DNAJC3: variants seen among roughly 807,000 people sequenced by gnomAD.
DNAJC3 encodes the protein DnaJ heat shock protein family (Hsp40) member C3, also known as dnaJ homolog subfamily C member 3.
Under a neutral mutation model 68.6 loss-of-function variants are expected in DNAJC3, and 38 were observed. The observed-to-expected ratio is 0.55, with a 90% CI of 0.43 to 0.73. The LOEUF (loss-of-function observed/expected upper bound fraction) is 0.73, where lower values mean the gene tolerates loss of function less well. Among genes scored for constraint, DNAJC3 ranks in the 30% least tolerant of loss-of-function variants. The pLI, the probability that DNAJC3 is intolerant of heterozygous loss-of-function variation, is 0.00. For missense variants in DNAJC3, 526 were observed against 591.9 expected (o/e 0.89, Z 1.16); for synonymous variants, 203 against 204.0 (o/e 1.00, Z 0.04).
intron 5 of DNAJC3, among the ~76,000 whole-genome samples, chr13:95,758,477 A>T (rs1882729676): frequency 6.6e-6 from 1 of 151,970 alleles, no homozygotes; most frequent in African/African-American, 2.4e-5. Context: ...GTCTAAAAAA[A>T]AAAAAAAGAA....
chr13:95,761,745 T>A (rs1882827761), intron 7 of DNAJC3, among the ~76,000 whole-genome samples: 1 of 151,992 alleles, frequency 6.6e-6, no homozygotes, highest in African/African-American at 2.4e-5. Flanking sequence ...AATAGAATCA[T>A]ACAATGTATA....
rs61975191 is a variant in DNAJC3, at chr13:95,739,183, T to C, written c.393+13931T>C. On this transcript the variant is annotated intron_variant, in intron 4 of 11. Coordinates refer to ENST00000602402, the MANE Select transcript of DNAJC3 (RefSeq NM_006260.5). ...CTCTTCTGGCTTGTAGGGTTTCTGCTGAGAGATCCGCTATTAGTCTGATGG... is the reference window on the plus strand; with the variant it reads ...CTCTTCTGGCTTGTAGGGTTTCTGCCGAGAGATCCGCTATTAGTCTGATGG... Among the ~76,000 whole-genome samples, 1,250 of 152,366 alleles carry C rather than the reference T, an allele frequency of 8.2e-3. 6 individuals are homozygous for C. The highest frequency in any genetic ancestry group is 0.012 in the Non-Finnish European group (834 of 68,034).
intron 4 of DNAJC3, among the ~76,000 whole-genome samples, chr13:95,747,612 T>A (rs1041236216): frequency 6.6e-6 from 1 of 152,196 alleles, no homozygotes; most frequent in Non-Finnish European, 1.5e-5. Context: ...AAGGTTTATG[T>A]TGGAAGTATT....
intron 2 of DNAJC3, among the ~76,000 whole-genome samples, chr13:95,719,837 A>G (rs1881262364): frequency 6.6e-6 from 1 of 152,218 alleles, no homozygotes; most frequent in Non-Finnish European, 1.5e-5. Context: ...AAAGTTATAC[A>G]CAGTCCTCTG....
At chr13:95,710,431 A>G (rs1280694351) in intron 2 of DNAJC3, among the ~76,000 whole-genome samples, 3 of 151,926 alleles carry the variant, frequency 2.0e-5, no homozygotes, top group African/African-American at 7.3e-5. Flanking sequence ...GGGTCTCACT[A>G]TGTTGTCCAG....
At chr13:95,773,045 CTCT>C (rs1883196830) in intron 9 of DNAJC3, among the ~76,000 whole-genome samples, 1 of 147,960 alleles carries the variant, frequency 6.8e-6, no homozygotes, top group Non-Finnish European at 1.5e-5. Context: ...TTGGTGTCAT[CTCT>C]TCTTTAAAGT....
intron 2 of DNAJC3, among the ~76,000 whole-genome samples, chr13:95,715,765 G>T (rs1337010685): frequency 2.0e-5 from 3 of 151,846 alleles, no homozygotes; most frequent in Admixed American, 1.3e-4. Context: ...GGGATTACAG[G>T]CATGAGCCAC....
At chr13:95,684,509 TTTTCAG>T (rs1880017868) in intron 1 of DNAJC3, among the ~76,000 whole-genome samples, 1 of 152,018 alleles carries the variant, frequency 6.6e-6, no homozygotes, top group African/African-American at 2.4e-5. Flanking sequence ...AGTTGGAAAA[TTTTCAG>T]TCTGACCATG....
At position 95,786,136 on chromosome 13, in the gene DNAJC3, G is replaced by A. The variant is rs1399260301; in HGVS notation, c.1208+65G>A. 14 of 1,440,648 alleles carry A rather than the reference G, an allele frequency of 9.7e-6. No individual in the cohort carries two copies. In the East Asian group the frequency reaches 2.7e-4, roughly 28 times the overall value. 89.2% of individuals were successfully genotyped at this position (1,440,648 alleles called of 1,614,324 possible). ...CAACTCTGTTTCAAAGCTAATCATTGCTCTTTTTCCTCTCTGATTCATTTT... is the reference window on the plus strand; with the variant it reads ...CAACTCTGTTTCAAAGCTAATCATTACTCTTTTTCCTCTCTGATTCATTTT... On this transcript the variant is annotated intron_variant, in intron 10 of 11. Transcript: ENST00000602402.
chr13:95,764,645 CATATAT>C (rs755441205), intron 9 of DNAJC3, among the ~76,000 whole-genome samples: 2,883 of 56,492 alleles, frequency 0.051, 84 homozygotes, highest in East Asian at 0.12. Context: ...AAATAGAATC[CATATAT>C]ATATATATAT....
At chr13:95,730,482 G>A (rs2139647994) in intron 4 of DNAJC3, among the ~76,000 whole-genome samples, 2 of 152,166 alleles carry the variant, frequency 1.3e-5, no homozygotes, top group East Asian at 3.9e-4. Context: ...GTTGATTTTT[G>A]TACTTAGTGA....
intron 5 of DNAJC3, among the ~76,000 whole-genome samples, chr13:95,759,355 A>G (rs1267886923): frequency 6.6e-6 from 1 of 152,182 alleles, no homozygotes; most frequent in Non-Finnish European, 1.5e-5. Flanking sequence ...TCTGTTACCT[A>G]GACTGGAGTG....
At position 95,723,319 on chromosome 13, in the gene DNAJC3, C is replaced by T. The variant is rs768238277; in HGVS notation, c.271C>T (p.Leu91Phe). The change falls in exon 3 of 12, where the codon CTT becomes TTT. Residue 91 changes from leucine to phenylalanine, a missense_variant. Physicochemically the swap from Leu to Phe is conservative, Grantham distance 22. Coordinates refer to ENST00000602402, the MANE Select transcript of DNAJC3 (RefSeq NM_006260.5). Reference sequence around the variant, plus strand: ...AGCTATGGGCAAATCAAAAGCTGCACTTCCTGATTTAACTAAAGTGATTCA... The same window carrying T: ...AGCTATGGGCAAATCAAAAGCTGCATTTCCTGATTTAACTAAAGTGATTCA... ...FLAMGKSKAA[L>F]PDLTKVIQLK... 1 of 1,611,570 alleles carries T rather than the reference C, an allele frequency of 6.2e-7. No homozygotes were observed. Among genetic ancestry groups the T allele is most frequent in the Non-Finnish European group, 8.5e-7 (1 of 1,178,088 alleles).
chr13:95,779,119 C>CTTTTTTTTTTTTTTTTTT (rs142933580), intron 9 of DNAJC3, among the ~76,000 whole-genome samples: 1 of 97,974 alleles, frequency 1.0e-5, no homozygotes. Flanking sequence ...TTTCTTCTTT[C>CTTTTTTTTTTTTTTTTTT]TTTTTTTTTT....
intron 11 of DNAJC3, among the ~76,000 whole-genome samples, chr13:95,788,348 A>C (rs1883664819): frequency 6.6e-6 from 1 of 152,070 alleles, no homozygotes; most frequent in Non-Finnish European, 1.5e-5. Flanking sequence ...TGTGAGAGGG[A>C]CTTTGTGCTA....
chr13:95,707,181 A>G (rs1880782472), intron 1 of DNAJC3, among the ~76,000 whole-genome samples: 1 of 152,152 alleles, frequency 6.6e-6, no homozygotes, highest in African/African-American at 2.4e-5. Context: ...TCCTGTGAGA[A>G]TCTAATGCCT....
At chr13:95,724,730 C>T (rs932518007) in intron 3 of DNAJC3, among the ~76,000 whole-genome samples, 4 of 152,140 alleles carry the variant, frequency 2.6e-5, no homozygotes, top group African/African-American at 9.7e-5. Flanking sequence ...AATGTAACAT[C>T]GTATAATGTT....
At chr13:95,710,870 T>A (rs752271153) in intron 2 of DNAJC3, among the ~76,000 whole-genome samples, 48 of 152,036 alleles carry the variant, frequency 3.2e-4, no homozygotes, top group Middle Eastern at 3.4e-3. Flanking sequence ...TATTTTTTTT[T>A]AATAGAAACT....
At chr13:95,700,407 T>C (rs961433358) in intron 1 of DNAJC3, among the ~76,000 whole-genome samples, 2 of 152,228 alleles carry the variant, frequency 1.3e-5, no homozygotes, top group Admixed American at 6.5e-5. Context: ...TCTGGTCTCC[T>C]GCAGTCATTT....
Sources: gnomAD v4.1 joint callset for allele counts (sites outside exome capture counted in the v4.1 genomes callset) on GRCh38, gnomAD v4.1.1 for gene constraint, MANE v1.5 for transcripts, NCBI Gene and HGNC (gene_info 2026-07-23, HGNC 2026-07-21) for gene names.